CCDC148: variants seen among roughly 807,000 people sequenced by gnomAD.
CCDC148 encodes coiled-coil domain-containing protein 148.
In CCDC148, 89 loss-of-function variants were observed where a neutral mutation model predicts 85.7. The observed-to-expected ratio is 1.04, with a 90% CI of 0.87 to 1.24. CCDC148 has a LOEUF of 1.24. CCDC148 is among the 50% of genes most tolerant of loss of function. The pLI is 0.00. For missense variants in CCDC148, 692 were observed against 671.7 expected, an observed-to-expected ratio of 1.03 and a Z score of -0.33; for synonymous variants, 230 against 213.9, an observed-to-expected ratio of 1.08 and a Z score of -0.66.
At chr2:158,260,195 T>C (rs978884374) in intron 9 of CCDC148, among the ~76,000 whole-genome samples, 1 of 151,914 alleles carries the variant, frequency 6.6e-6, no homozygotes, top group Non-Finnish European at 1.5e-5. Context: ...ACTCAATGAA[T>C]ATTCCTAGGT....
chr2:158,347,884 A>G (rs1351738522), intron 2 of CCDC148, among the ~76,000 whole-genome samples: 1 of 152,118 alleles, frequency 6.6e-6, no homozygotes, highest in Non-Finnish European at 1.5e-5. Context: ...ATAGCTCAAT[A>G]AAGAACTGTT....
intron 9 of CCDC148, among the ~76,000 whole-genome samples, chr2:158,294,054 T>C (rs1052783196): frequency 1.3e-4 from 12 of 95,928 alleles, no homozygotes; most frequent in African/African-American, 4.7e-4. Flanking sequence ...CCTTCCTTCC[T>C]TCCTTCCTTC....
intron 1 of CCDC148, among the ~76,000 whole-genome samples, chr2:158,397,204 G>A (rs1474253277): frequency 1.3e-5 from 2 of 151,974 alleles, no homozygotes; most frequent in African/African-American, 4.8e-5. Context: ...ACTATGGCAT[G>A]GGGAGGATAA....
At chr2:158,320,985 C>G (rs1474287035) in intron 7 of CCDC148, among the ~76,000 whole-genome samples, 1 of 152,118 alleles carries the variant, frequency 6.6e-6, no homozygotes, top group Non-Finnish European at 1.5e-5. Context: ...AAATACATAA[C>G]ATGCAAATAA....
chr2:158,258,826 G>A (rs1689107730), intron 9 of CCDC148, among the ~76,000 whole-genome samples: 2 of 151,904 alleles, frequency 1.3e-5, no homozygotes, highest in South Asian at 4.2e-4. Context: ...CAAAACAGAT[G>A]TCTGATCCAT....
At chr2:158,217,700 G>A (rs6437147) in intron 11 of CCDC148, among the ~76,000 whole-genome samples, 5 of 151,630 alleles carry the variant, frequency 3.3e-5, no homozygotes, top group African/African-American at 4.9e-5. Context: ...CACCGCACCC[G>A]GTCGAATATT....
chr2:158,289,426 A>T (rs114489906), intron 9 of CCDC148, among the ~76,000 whole-genome samples: 1 of 151,182 alleles, frequency 6.6e-6, no homozygotes, highest in African/African-American at 2.5e-5. Flanking sequence ...AGACTTAAAC[A>T]AGCAATTTCA....
At chr2:158,395,840 G>A (rs371874748) in intron 1 of CCDC148, among the ~76,000 whole-genome samples, 1 of 152,102 alleles carries the variant, frequency 6.6e-6, no homozygotes. Context: ...TGTCTAACAG[G>A]AATGTTATGG....
intron 9 of CCDC148, among the ~76,000 whole-genome samples, chr2:158,303,171 A>G (rs777931430): frequency 1.3e-5 from 2 of 152,160 alleles, no homozygotes; most frequent in Non-Finnish European, 2.9e-5. Flanking sequence ...TGAGAACAAA[A>G]TTATGGTTAA....
In CCDC148 at chr2:158,176,594, A is replaced by C; in HGVS notation, c.1556T>G (p.Met519Arg). 6.2e-7 allele frequency: 1 copy of C among 1,612,318 alleles called. No individual in the cohort carries two copies. The highest frequency in any genetic ancestry group is 8.5e-7 in the Non-Finnish European group (1 of 1,179,004). ...MSDTMASKAR[M>R]GIEIEEEFIL... ...AAATTCTTCTTCAATTTCAATGCCC[A>C]TTCTAGCTTTTGATGCCATTGTATC... The change falls in exon 13 of 14, where the codon ATG becomes AGG. Residue 519 changes from methionine to arginine, a missense_variant. Met to Arg is a moderately conservative substitution (Grantham distance 91, BLOSUM62 -1). Coordinates refer to ENST00000283233, the MANE Select transcript of CCDC148 (RefSeq NM_138803.4).
intron 10 of CCDC148, among the ~76,000 whole-genome samples, chr2:158,238,199 A>G (rs1268248312): frequency 6.6e-6 from 1 of 152,030 alleles, no homozygotes; most frequent in Non-Finnish European, 1.5e-5. Context: ...TTTTTAGGGT[A>G]CCTGGAAAGA....
intron 9 of CCDC148, among the ~76,000 whole-genome samples, chr2:158,308,552 G>T (rs1691807535): frequency 1.3e-5 from 2 of 152,144 alleles, no homozygotes; most frequent in Non-Finnish European, 2.9e-5. Flanking sequence ...AATTGGTATT[G>T]CTTAATGTCT....
At chr2:158,179,035 T>G (rs1381461893) in intron 11 of CCDC148, 39 bp from the exon 12 acceptor site, 2 of 1,468,152 alleles carry the variant, frequency 1.4e-6, no homozygotes, top group Non-Finnish European at 1.9e-6. Flanking sequence ...GGAAGCATCA[T>G]AATAATATTG....
chr2:158,285,164 T>C (rs890357845), intron 9 of CCDC148, among the ~76,000 whole-genome samples: 8 of 151,852 alleles, frequency 5.3e-5, no homozygotes, highest in African/African-American at 1.9e-4. Flanking sequence ...GGTGGGTGCC[T>C]GTAATCCCAG....
At chr2:158,275,899 A>T (rs1373735254) in intron 9 of CCDC148, among the ~76,000 whole-genome samples, 1 of 152,160 alleles carries the variant, frequency 6.6e-6, no homozygotes, top group Non-Finnish European at 1.5e-5. Context: ...ACCCATAGAA[A>T]TTTATGGCCT....
At chr2:158,311,144 G>A (rs10933467) in intron 8 of CCDC148, among the ~76,000 whole-genome samples, 47,279 of 152,044 alleles carry the variant, frequency 0.31, 8,150 homozygotes, top group Middle Eastern at 0.45. Flanking sequence ...AGGTTGTAGC[G>A]AGCGGAGATC....
At chr2:158,434,449 C>A (rs113761708) in intron 1 of CCDC148, among the ~76,000 whole-genome samples, 13,969 of 152,100 alleles carry the variant, frequency 0.092, 697 homozygotes, top group African/African-American at 0.12. Context: ...GAAAGGACAT[C>A]CACACCAAAA....
chr2:158,353,667 A>G (rs1683453600), intron 2 of CCDC148, among the ~76,000 whole-genome samples: 1 of 152,172 alleles, frequency 6.6e-6, no homozygotes, highest in South Asian at 2.1e-4. Flanking sequence ...AGACAGATCA[A>G]GGAGACAGAA....
At chr2:158,313,625 C>T (rs1348522664) in intron 8 of CCDC148, 131 bp downstream of exon 8, 3 of 933,978 alleles carry the variant, frequency 3.2e-6, no homozygotes, top group Non-Finnish European at 4.6e-6. Context: ...ATTATATAAC[C>T]CTATTATTTT....
Sources: gnomAD v4.1 joint callset for allele counts (sites outside exome capture counted in the v4.1 genomes callset) on GRCh38, gnomAD v4.1.1 for gene constraint, MANE v1.5 for transcripts, NCBI Gene and HGNC (gene_info 2026-07-23, HGNC 2026-07-21) for gene names.